LCOR: variants seen among roughly 807,000 people sequenced by gnomAD.
The protein encoded by LCOR is ligand-dependent corepressor.
Under a neutral mutation model 64.4 loss-of-function variants are expected in LCOR, and 14 were observed. The observed-to-expected ratio is 0.22, with a 90% CI of 0.14 to 0.34. LCOR has a LOEUF of 0.34. Ranked by LOEUF, LCOR falls within the 10% of genes least tolerant of loss-of-function variation. The pLI is 1.00. For synonymous variants in LCOR, 643 were observed against 642.5 expected, an observed-to-expected ratio of 1.00 and a Z score of -0.01; for missense variants, 1,686 against 1,765.3, an observed-to-expected ratio of 0.96 and a Z score of 0.80.
At chr10:96,838,704 C>T (rs1445026601) in intron 2 of LCOR, among the ~76,000 whole-genome samples, 1 of 152,172 alleles carries the variant, frequency 6.6e-6, no homozygotes, top group East Asian at 1.9e-4. Flanking sequence ...GTGGACATAC[C>T]ACATTTTGTT....
At chr10:96,878,720 A>G (rs1269003391) in intron 2 of LCOR, among the ~76,000 whole-genome samples, 1 of 152,176 alleles carries the variant, frequency 6.6e-6, no homozygotes, top group Non-Finnish European at 1.5e-5. Context: ...CATATTGTTC[A>G]TTAATCATGA....
chr10:96,965,690 G>A (rs138772324), intron 7 of LCOR, among the ~76,000 whole-genome samples: 2,483 of 150,454 alleles, frequency 0.017, 61 homozygotes, highest in African/African-American at 0.056. Flanking sequence ...AAAAAGACGG[G>A]CTATCTAGCT....
chr10:96,950,175 C>T (rs1177793176), intron 6 of LCOR, among the ~76,000 whole-genome samples: 1 of 152,002 alleles, frequency 6.6e-6, no homozygotes, highest in East Asian at 1.9e-4. Context: ...TTTATTGTAA[C>T]CTTTATTTAT....
At chr10:96,837,131 C>T (rs1202272444) in intron 2 of LCOR, among the ~76,000 whole-genome samples, 2 of 152,094 alleles carry the variant, frequency 1.3e-5, no homozygotes, top group African/African-American at 2.4e-5. Context: ...GCTGGGACTA[C>T]AGGTGCCCGC....
chr10:96,975,653 A>T (rs1848032893), intron 7 of LCOR, among the ~76,000 whole-genome samples: 1 of 151,728 alleles, frequency 6.6e-6, no homozygotes, highest in Non-Finnish European at 1.5e-5. Context: ...CAAGTAGCTT[A>T]CATCTGCTTG....
At chr10:96,900,532 C>A (rs1846615747) in intron 2 of LCOR, among the ~76,000 whole-genome samples, 1 of 150,866 alleles carries the variant, frequency 6.6e-6, no homozygotes, top group Non-Finnish European at 1.5e-5. Context: ...AAGAAAAAAA[C>A]TAAAAAAGAA....
chr10:96,945,122 A>G (rs1198884561), intron 5 of LCOR, among the ~76,000 whole-genome samples: 1 of 152,192 alleles, frequency 6.6e-6, no homozygotes, highest in African/African-American at 2.4e-5. Flanking sequence ...AACTCTTGAT[A>G]ATCTTAAATA....
chr10:96,921,734 G>A (rs1847085172), intron 4 of LCOR, among the ~76,000 whole-genome samples: 1 of 152,218 alleles, frequency 6.6e-6, no homozygotes, highest in Non-Finnish European at 1.5e-5. Context: ...AAAGAGCGAG[G>A]ATTACTGGTG....
At chr10:96,924,885 AC>A (rs1847141229) in intron 4 of LCOR, among the ~76,000 whole-genome samples, 1 of 152,068 alleles carries the variant, frequency 6.6e-6, no homozygotes, top group Admixed American at 6.6e-5. Flanking sequence ...ATATAATATT[AC>A]CTAATATATG....
chr10:96,940,302 GATTTTT>G (rs1157153907), intron 4 of LCOR, among the ~76,000 whole-genome samples: 6 of 98,006 alleles, frequency 6.1e-5, no homozygotes, highest in African/African-American at 2.4e-4. Flanking sequence ...AGGTGGTCAT[GATTTTT>G]TTTTTTTTTT....
intron 4 of LCOR, chr10:96,915,613 T>C (rs1846927320): frequency 1.2e-6 from 1 of 854,560 alleles, no homozygotes; most frequent in Admixed American, 1.7e-5. Flanking sequence ...TACACAGTTA[T>C]CAAAAATGCA....
In LCOR at chr10:96,989,695, A is replaced by ATATATATATATATATATATT. The variant is rs1371771053; in HGVS notation, c.*4562_*4563insATATATATATATATATATTT. On this transcript the variant is annotated 3_prime_UTR_variant, in exon 8 of 8. Coordinates refer to ENST00000421806, the MANE Select transcript of LCOR (RefSeq NM_001346516.2). ...TAAGGATATATATATATATATATAT[A>ATATATATATATATATATATT]TTTTTTTTTTTTTTTTTTTTTTTTA... The ATATATATATATATATATATT allele has an allele frequency of 1.2e-5, 1 of 86,160 alleles. No individual in the cohort carries two copies. Among genetic ancestry groups the ATATATATATATATATATATT allele is most frequent in the Non-Finnish European group, 2.0e-5 (1 of 50,718 alleles). The allele number at this position is 86,160 out of a possible 1,614,324, so 5.3% of individuals were successfully genotyped here. A position where few individuals can be genotyped will look rare whatever the true frequency, so the allele number is the denominator to read the frequency against.
At chr10:96,908,644 G>A (rs766036456) in intron 4 of LCOR, among the ~76,000 whole-genome samples, 8 of 150,696 alleles carry the variant, frequency 5.3e-5, no homozygotes, top group Non-Finnish European at 1.0e-4. Flanking sequence ...ATTAATAGTG[G>A]TTTACTACTT....
intron 5 of LCOR, among the ~76,000 whole-genome samples, chr10:96,945,913 ATAAAGTTTTTC>A (rs1479551292): frequency 1.3e-5 from 2 of 151,852 alleles, no homozygotes; most frequent in East Asian, 3.8e-4. Context: ...TCAAGTTTTT[ATAAAGTTTTTC>A]TTTTTTTTTT....
chr10:96,923,667 A>G (rs1373297378), intron 4 of LCOR, among the ~76,000 whole-genome samples: 2 of 152,212 alleles, frequency 1.3e-5, no homozygotes, highest in African/African-American at 4.8e-5. Context: ...AACCATATTA[A>G]CTATTTATTG....
chr10:96,862,358 C>T (rs1336418767), intron 2 of LCOR, among the ~76,000 whole-genome samples: 4 of 152,136 alleles, frequency 2.6e-5, no homozygotes, highest in Non-Finnish European at 5.9e-5. Context: ...ACTGCAGCCT[C>T]GATCTGAAGC....
At chr10:96,884,587 G>A (rs1259668482) in intron 2 of LCOR, among the ~76,000 whole-genome samples, 3 of 152,130 alleles carry the variant, frequency 2.0e-5, no homozygotes, top group Non-Finnish European at 4.4e-5. Context: ...GAATCACCTG[G>A]AAAGCTTGTT....
chr10:96,938,830 TAA>T (rs984677500), intron 4 of LCOR, among the ~76,000 whole-genome samples: 4 of 152,152 alleles, frequency 2.6e-5, no homozygotes, highest in African/African-American at 9.7e-5. Flanking sequence ...AAAAGAAATA[TAA>T]GACTTGTATG....
At chr10:96,967,653 T>C (rs1356160187) in intron 7 of LCOR, among the ~76,000 whole-genome samples, 1 of 152,190 alleles carries the variant, frequency 6.6e-6, no homozygotes, top group African/African-American at 2.4e-5. Flanking sequence ...GTAGAAACTC[T>C]TTATTGAATA....
Sources: allele counts gnomAD v4.1 joint callset (sites outside exome capture counted in the v4.1 genomes callset), GRCh38; gene constraint gnomAD v4.1.1; transcripts MANE v1.5; gene names NCBI Gene and HGNC (gene_info 2026-07-23, HGNC 2026-07-21).